NBEA: variants seen among roughly 807,000 people sequenced by gnomAD.
The protein encoded by NBEA is lysosomal-trafficking regulator 2.
NBEA carries 44 observed loss-of-function variants against 343.4 expected under a neutral mutation model. That is an observed-to-expected ratio of 0.13 (90% CI 0.10 to 0.16). NBEA has a LOEUF of 0.16. NBEA is among the 10% of genes least tolerant of loss of function. The probability of loss-of-function intolerance (pLI) is 1.00; values close to 1 mark genes in which losing one functional copy is unlikely to be tolerated. For missense variants in NBEA, 2,555 were observed against 3,631.3 expected (o/e 0.70, Z 7.62); for synonymous variants, 1,175 against 1,238.7 (o/e 0.95, Z 1.08).
At chr13:35,211,473 T>C (rs1286618659) in intron 33 of NBEA, among the ~76,000 whole-genome samples, 1 of 152,108 alleles carries the variant, frequency 6.6e-6, no homozygotes, top group Admixed American at 6.6e-5. Context: ...GTACAAATGG[T>C]AACATGATAA....
At chr13:35,520,976 A>G (rs1175195578) in intron 41 of NBEA, among the ~76,000 whole-genome samples, 1 of 152,120 alleles carries the variant, frequency 6.6e-6, no homozygotes, top group Non-Finnish European at 1.5e-5. Context: ...CTTTGTCCAT[A>G]GAGAAGAAAA....
intron 49 of NBEA, among the ~76,000 whole-genome samples, chr13:35,629,507 G>T (rs1227289753): frequency 1.3e-5 from 2 of 152,136 alleles, no homozygotes; most frequent in Non-Finnish European, 2.9e-5. Context: ...AAAATATTCT[G>T]AGAACACGTT....
intron 33 of NBEA, among the ~76,000 whole-genome samples, chr13:35,212,983 G>A (rs2073869415): frequency 6.6e-6 from 1 of 151,252 alleles, no homozygotes; most frequent in Non-Finnish European, 1.5e-5. Flanking sequence ...TTATCAATAT[G>A]GTCTATTTTG....
intron 31 of NBEA, among the ~76,000 whole-genome samples, chr13:35,204,412 G>T (rs113357163): frequency 1.3e-5 from 2 of 152,064 alleles, no homozygotes; most frequent in Non-Finnish European, 2.9e-5. Context: ...GGTAGCAAGA[G>T]AAAATGAAGA....
chr13:35,039,196 A>G (rs1405569836), intron 1 of NBEA, among the ~76,000 whole-genome samples: 2 of 152,072 alleles, frequency 1.3e-5, no homozygotes, highest in African/African-American at 4.8e-5. Context: ...CTTCACCAGC[A>G]CCCAGAGATG....
At chr13:34,964,480 G>T (rs896967412) in intron 1 of NBEA, among the ~76,000 whole-genome samples, 3 of 151,892 alleles carry the variant, frequency 2.0e-5, no homozygotes, top group Admixed American at 6.6e-5. Context: ...CTTATTTTCT[G>T]GAATTTAATT....
At chr13:35,467,190 A>G (rs1367725343) in intron 40 of NBEA, among the ~76,000 whole-genome samples, 1 of 152,148 alleles carries the variant, frequency 6.6e-6, no homozygotes, top group African/African-American at 2.4e-5. Context: ...TAATGAGTCT[A>G]TGGCCAGGTG....
intron 48 of NBEA, among the ~76,000 whole-genome samples, chr13:35,619,057 G>T (rs904015676): frequency 7.0e-6 from 1 of 143,416 alleles, no homozygotes; most frequent in African/African-American, 2.6e-5. Flanking sequence ...TTTAAGCTGG[G>T]TTTTTTTTTT....
chr13:35,040,715 T>C (rs2062618946), intron 1 of NBEA, among the ~76,000 whole-genome samples: 1 of 152,120 alleles, frequency 6.6e-6, no homozygotes, highest in South Asian at 2.1e-4. Context: ...AATCACCCTT[T>C]TCCATTTATG....
At chr13:35,055,196 C>CAA (rs1435530453) in intron 6 of NBEA, among the ~76,000 whole-genome samples, 1 of 152,044 alleles carries the variant, frequency 6.6e-6, no homozygotes, top group Non-Finnish European at 1.5e-5. Context: ...CAAATGTTTA[C>CAA]AAATCATTTG....
At chr13:35,005,518 A>T (rs1191609546) in intron 1 of NBEA, among the ~76,000 whole-genome samples, 3 of 152,340 alleles carry the variant, frequency 2.0e-5, no homozygotes, top group African/African-American at 7.2e-5. Flanking sequence ...TGTCTATGGA[A>T]CTATCAGGCT....
At chr13:35,530,262 C>T (rs777967640) in intron 41 of NBEA, among the ~76,000 whole-genome samples, 4 of 152,122 alleles carry the variant, frequency 2.6e-5, no homozygotes, top group Non-Finnish European at 4.4e-5. Flanking sequence ...AAGCTGCAAG[C>T]GTGAAAGTTA....
intron 36 of NBEA, among the ~76,000 whole-genome samples, chr13:35,331,463 T>C (rs2038922847): frequency 6.6e-6 from 1 of 152,074 alleles, no homozygotes; most frequent in South Asian, 2.1e-4. Context: ...AGAACGTAGA[T>C]ACAAACTAGT....
chr13:35,534,099 A>G (rs1403527773), intron 41 of NBEA, among the ~76,000 whole-genome samples: 2 of 152,188 alleles, frequency 1.3e-5, no homozygotes, highest in Non-Finnish European at 2.9e-5. Flanking sequence ...TATGTGAGTG[A>G]TAACAAACAG....
chr13:35,640,698 C>T (rs1161089580), intron 49 of NBEA, among the ~76,000 whole-genome samples: 1 of 152,102 alleles, frequency 6.6e-6, no homozygotes, highest in Non-Finnish European at 1.5e-5. Context: ...TGTCCCTAAT[C>T]GAAACTTTTC....
chr13:35,255,136 A>G (rs981372339), intron 34 of NBEA, among the ~76,000 whole-genome samples: 2 of 152,256 alleles, frequency 1.3e-5, no homozygotes, highest in Non-Finnish European at 2.9e-5. Context: ...AAAGGTATAG[A>G]GTACCATTAC....
intron 41 of NBEA, among the ~76,000 whole-genome samples, chr13:35,531,574 T>C (rs1051400151): frequency 6.6e-6 from 1 of 152,204 alleles, no homozygotes; most frequent in Non-Finnish European, 1.5e-5. Context: ...TTCCTTTGTA[T>C]TGTTAGCTTT....
chr13:35,090,023 C>T (rs1190084578), intron 10 of NBEA, among the ~76,000 whole-genome samples: 1 of 149,894 alleles, frequency 6.7e-6, no homozygotes, highest in Non-Finnish European at 1.5e-5. Flanking sequence ...AACTAATGTG[C>T]ATAATGTGCA....
intron 35 of NBEA, among the ~76,000 whole-genome samples, chr13:35,308,734 C>G (rs1594159674): frequency 6.8e-6 from 1 of 146,806 alleles, no homozygotes. Flanking sequence ...TATTTAAAAC[C>G]CCAAAAATAG....
Sources: allele counts gnomAD v4.1 joint callset (sites outside exome capture counted in the v4.1 genomes callset), GRCh38; gene constraint gnomAD v4.1.1; transcripts MANE v1.5; gene names NCBI Gene and HGNC (gene_info 2026-07-23, HGNC 2026-07-21).